GRHL2: variants seen among roughly 807,000 people sequenced by gnomAD.
The protein encoded by GRHL2 is grainyhead like transcription factor 2, also known as grainyhead-like protein 2 homolog.
GRHL2 carries 21 observed loss-of-function variants against 83.8 expected under a neutral mutation model. The observed-to-expected ratio is 0.25, with a 90% CI of 0.18 to 0.36. The LOEUF is 0.36. Ranked by LOEUF, GRHL2 falls within the 10% of genes least tolerant of loss-of-function variation. The probability of loss-of-function intolerance (pLI) is 1.00; values close to 1 mark genes in which losing one functional copy is unlikely to be tolerated. For missense variants in GRHL2, 623 were observed against 781.8 expected (o/e 0.80, Z 2.42); for synonymous variants, 280 against 278.9 (o/e 1.00, Z -0.04).
intron 8 of GRHL2, among the ~76,000 whole-genome samples, chr8:101,617,811 C>A (rs1392567274): frequency 6.6e-6 from 1 of 152,068 alleles, no homozygotes; most frequent in Non-Finnish European, 1.5e-5. Flanking sequence ...GGCTGAAAAG[C>A]CTTTAACATG....
rs534400705 is a variant in GRHL2 at position 101,538,492 on chromosome 8, C to T, written c.21-4749C>T. 2.6e-5 allele frequency among the ~76,000 whole-genome samples: 4 copies of T among 152,226 alleles called. No homozygotes were observed. In the South Asian group the frequency reaches 6.2e-4, roughly 24 times the overall value. On this transcript the variant is annotated intron_variant, in intron 1 of 15. Transcript: ENST00000646743. ...CTTAGCCTTGCTGTGATTGCTCTGG[C>T]GATCCCCAAAATTTTCCTCCAAAGC...
chr8:101,493,137 CTG>C (rs1199015184), intron 1 of GRHL2, among the ~76,000 whole-genome samples: 1 of 152,100 alleles, frequency 6.6e-6, no homozygotes, highest in Admixed American at 6.5e-5. Context: ...TCTTCCCTCT[CTG>C]TTTTAGCTGC....
At chr8:101,629,090 A>G (rs151268444) in intron 9 of GRHL2, among the ~76,000 whole-genome samples, 1 of 152,206 alleles carries the variant, frequency 6.6e-6, no homozygotes, top group Non-Finnish European at 1.5e-5. Context: ...CTGTGGGTAA[A>G]GTGCTATCAA....
chr8:101,533,627 T>G (rs1050226871), intron 1 of GRHL2, among the ~76,000 whole-genome samples: 3 of 152,074 alleles, frequency 2.0e-5, no homozygotes. Context: ...AGTCGAGAGC[T>G]GGGTAAGGGA....
intron 14 of GRHL2, among the ~76,000 whole-genome samples, chr8:101,657,446 G>A (rs1034917593): frequency 6.6e-6 from 1 of 152,136 alleles, no homozygotes; most frequent in Non-Finnish European, 1.5e-5. Context: ...ATCATCCTGG[G>A]TGTCAAGGAA....
At chr8:101,664,367 CCAAGGGAGTGAAA>C in intron 14 of GRHL2, 74 bp from the exon 15 acceptor site, 1 of 925,590 alleles carries the variant, frequency 1.1e-6, no homozygotes, top group Non-Finnish European at 1.8e-6. Flanking sequence ...GGGAAAATGT[CCAAGGGAGTGAAA>C]CTGGAACTTT....
intron 1 of GRHL2, among the ~76,000 whole-genome samples, chr8:101,534,761 G>A (rs1029590201): frequency 5.9e-5 from 9 of 152,188 alleles, no homozygotes; most frequent in Non-Finnish European, 1.2e-4. Context: ...TGAAGTGGAT[G>A]TAAGAAAATG....
chr8:101,631,279 C>G (rs1378669726), intron 9 of GRHL2, among the ~76,000 whole-genome samples: 1 of 152,200 alleles, frequency 6.6e-6, no homozygotes, highest in Non-Finnish European at 1.5e-5. Flanking sequence ...AATGATTCAT[C>G]TTCTGACATT....
At chr8:101,510,250 G>C (rs1810435972) in intron 1 of GRHL2, among the ~76,000 whole-genome samples, 1 of 152,094 alleles carries the variant, frequency 6.6e-6, no homozygotes, top group Non-Finnish European at 1.5e-5. Context: ...GCCCACCTCT[G>C]CCACCCAAAG....
At chr8:101,615,196 A>T (rs1812829594) in intron 8 of GRHL2, among the ~76,000 whole-genome samples, 1 of 152,170 alleles carries the variant, frequency 6.6e-6, no homozygotes, top group South Asian at 2.1e-4. Context: ...TCCAGGGAAA[A>T]TTTAGACTAT....
At chr8:101,671,379 G>T (rs572485503), downstream of GRHL2, among the ~76,000 whole-genome samples, 1 of 152,232 alleles carries the variant, frequency 6.6e-6, no homozygotes, top group Non-Finnish European at 1.5e-5. Context: ...CACGTGGCTC[G>T]GAGGGTCCTA....
At chr8:101,631,093 A>G (rs1332479916) in intron 9 of GRHL2, among the ~76,000 whole-genome samples, 1 of 152,190 alleles carries the variant, frequency 6.6e-6, no homozygotes, top group Non-Finnish European at 1.5e-5. Context: ...AACAAAAACA[A>G]AAACCATGCT....
At chr8:101,659,674 T>G (rs1009042358) in intron 14 of GRHL2, among the ~76,000 whole-genome samples, 2 of 152,332 alleles carry the variant, frequency 1.3e-5, no homozygotes, top group Non-Finnish European at 2.9e-5. Flanking sequence ...TGTGCAAGTA[T>G]GGCCACCAGG....
At chr8:101,649,858 G>T (rs980896474) in intron 14 of GRHL2, among the ~76,000 whole-genome samples, 2 of 152,112 alleles carry the variant, frequency 1.3e-5, no homozygotes, top group Admixed American at 1.3e-4. Flanking sequence ...CACTGGCCGT[G>T]ATGGTGTAGT....
At chr8:101,632,923 A>G (rs1233586065) in intron 11 of GRHL2, among the ~76,000 whole-genome samples, 1 of 152,240 alleles carries the variant, frequency 6.6e-6, no homozygotes, top group Non-Finnish European at 1.5e-5. Context: ...GAAAGATCTC[A>G]AACTAACATA....
chr8:101,567,093 T>A (rs1811734503), intron 4 of GRHL2, among the ~76,000 whole-genome samples: 1 of 152,198 alleles, frequency 6.6e-6, no homozygotes, highest in Non-Finnish European at 1.5e-5. Context: ...AGTTAAAGAA[T>A]CATTGTCTTT....
At chr8:101,544,070 T>A (rs546623141) in intron 2 of GRHL2, 1 of 155,202 alleles carries the variant, frequency 6.4e-6, no homozygotes, top group Admixed American at 6.4e-5. Flanking sequence ...ACAGTGTCCC[T>A]CCCACAACAC....
downstream of GRHL2, among the ~76,000 whole-genome samples, chr8:101,669,999 G>A (rs144724194): frequency 2.8e-4 from 42 of 152,338 alleles, no homozygotes; most frequent in Non-Finnish European, 4.3e-4. Flanking sequence ...GCAGGGAGTT[G>A]GTTCTGTTCA....
chr8:101,632,448 T>C, intron 11 of GRHL2, 83 bp downstream of exon 11: 1 of 1,530,272 alleles, frequency 6.5e-7, no homozygotes, highest in South Asian at 1.1e-5. Flanking sequence ...CAGACAGTGT[T>C]GACCTCAAAA....
Sources: allele counts gnomAD v4.1 joint callset (sites outside exome capture counted in the v4.1 genomes callset), GRCh38; gene constraint gnomAD v4.1.1; transcripts MANE v1.5; gene names NCBI Gene and HGNC (gene_info 2026-07-23, HGNC 2026-07-21).